The following PTPRD variants were observed in gnomAD, a reference collection of about 807,000 sequenced individuals.
PTPRD encodes receptor-type tyrosine-protein phosphatase delta.
A neutral mutation model predicts 214.5 loss-of-function variants in PTPRD; 34 were observed. The ratio of observed to expected loss-of-function variants is 0.16; its 90% CI spans 0.12 to 0.21. The LOEUF (loss-of-function observed/expected upper bound fraction) is 0.21, where lower values mean the gene tolerates loss of function less well. Among genes scored for constraint, PTPRD ranks in the 10% least tolerant of loss-of-function variants. PTPRD has a pLI of 1.00. For missense variants in PTPRD, 2,545 were observed against 2,398.7 expected (o/e 1.06, Z -1.27); for synonymous variants, 1,128 against 845.7 (o/e 1.33, Z -5.79).
intron 30 of PTPRD, among the ~76,000 whole-genome samples, chr9:8,474,897 T>C (rs749815501): frequency 2.6e-5 from 4 of 152,212 alleles, no homozygotes; most frequent in Non-Finnish European, 5.9e-5. Flanking sequence ...TTGTTTTCAA[T>C]CTTCTCACTT....
chr9:8,734,894 C>A (rs1267309964), intron 11 of PTPRD, among the ~76,000 whole-genome samples: 2 of 152,056 alleles, frequency 1.3e-5, no homozygotes, highest in Non-Finnish European at 2.9e-5. Context: ...TGAAGTTTAA[C>A]CAGGATTTTA....
At chr9:8,981,178 T>C (rs1056544428) in intron 11 of PTPRD, among the ~76,000 whole-genome samples, 20 of 152,066 alleles carry the variant, frequency 1.3e-4, no homozygotes, top group African/African-American at 4.6e-4. Context: ...ATTTTGTTCT[T>C]CAATGAAAAC....
intron 4 of PTPRD, among the ~76,000 whole-genome samples, chr9:9,980,646 A>T (rs1409610913): frequency 1.5e-5 from 2 of 129,590 alleles, no homozygotes; most frequent in African/African-American, 2.8e-5. Flanking sequence ...AAAAAAAAAA[A>T]CCCTTTATGG....
chr9:9,096,542 A>G (rs1268314600), intron 10 of PTPRD, among the ~76,000 whole-genome samples: 1 of 152,218 alleles, frequency 6.6e-6, no homozygotes, highest in East Asian at 1.9e-4. Context: ...TATATAAGAT[A>G]TAGATTATAT....
intron 4 of PTPRD, among the ~76,000 whole-genome samples, chr9:9,996,414 C>G (rs1461157567): frequency 6.6e-6 from 1 of 151,946 alleles, no homozygotes; most frequent in Non-Finnish European, 1.5e-5. Context: ...TAAAAGAAAA[C>G]AAAACACTGG....
At chr9:9,208,957 G>A (rs1481383987) in intron 9 of PTPRD, among the ~76,000 whole-genome samples, 3 of 151,900 alleles carry the variant, frequency 2.0e-5, no homozygotes, top group African/African-American at 4.8e-5. Flanking sequence ...ACAGGCGCCC[G>A]CCAATATGCC....
intron 5 of PTPRD, among the ~76,000 whole-genome samples, chr9:9,828,625 C>T (rs990103724): frequency 6.6e-6 from 1 of 151,858 alleles, no homozygotes; most frequent in African/African-American, 2.4e-5. Context: ...ACGTTGTGCA[C>T]GTGTACCATA....
intron 36 of PTPRD, among the ~76,000 whole-genome samples, chr9:8,393,135 G>A (rs543082796): frequency 4.6e-5 from 7 of 152,170 alleles, no homozygotes; most frequent in African/African-American, 1.4e-4. Flanking sequence ...TCCACTTTTT[G>A]GGGGGTGACT....
chr9:10,415,629 A>G lies in PTPRD; in HGVS notation c.-599-74612T>C, dbSNP rs142163436. Among the ~76,000 whole-genome samples, 6 of 151,990 alleles carry G rather than the reference A, an allele frequency of 3.9e-5. No homozygotes were observed. In the East Asian group the frequency reaches 1.2e-3, roughly 30 times the overall value. On this transcript the variant is annotated intron_variant, in intron 2 of 45. Coordinates refer to ENST00000381196, the MANE Select transcript of PTPRD (RefSeq NM_002839.4). ...ATTAGAAAGCCATTGGTTATCTATG[A>G]AAGTGGTTTTGATAGAGAGACGTGA...
chr9:8,403,182 G>C (rs2092618826), intron 36 of PTPRD, among the ~76,000 whole-genome samples: 2 of 152,174 alleles, frequency 1.3e-5, no homozygotes, highest in African/African-American at 4.8e-5. Flanking sequence ...AGGAGATGTG[G>C]TCAGAGTTAT....
intron 2 of PTPRD, among the ~76,000 whole-genome samples, chr9:10,594,312 G>T (rs942982076): frequency 6.6e-5 from 10 of 151,814 alleles, no homozygotes; most frequent in African/African-American, 2.2e-4. Context: ...TAATGTTTTT[G>T]CAGTCCTTAT....
intron 5 of PTPRD, among the ~76,000 whole-genome samples, chr9:9,784,796 T>C (rs897174322): frequency 1.6e-4 from 24 of 150,958 alleles, no homozygotes; most frequent in African/African-American, 5.8e-4. Flanking sequence ...TATATATGTT[T>C]ATATCTATAT....
intron 7 of PTPRD, among the ~76,000 whole-genome samples, chr9:9,646,639 A>G (rs2154369940): frequency 6.6e-6 from 1 of 152,092 alleles, no homozygotes; most frequent in Middle Eastern, 3.4e-3. Flanking sequence ...TCTTTATACT[A>G]TCCTATAAAA....
At chr9:9,601,143 G>T (rs746557256) in intron 7 of PTPRD, among the ~76,000 whole-genome samples, 13,096 of 117,284 alleles carry the variant, frequency 0.11, 803 homozygotes, top group Middle Eastern at 0.18. Context: ...GTGTGTGTGT[G>T]TGTGTGTATG....
intron 9 of PTPRD, among the ~76,000 whole-genome samples, chr9:9,217,241 G>C (rs911873615): frequency 1.3e-5 from 2 of 152,058 alleles, no homozygotes; most frequent in African/African-American, 4.8e-5. Flanking sequence ...GTAAAATGTG[G>C]ATGATAATAG....
chr9:9,581,302 A>T (rs187485063), intron 7 of PTPRD, among the ~76,000 whole-genome samples: 50 of 152,282 alleles, frequency 3.3e-4, no homozygotes, highest in African/African-American at 1.1e-3. Flanking sequence ...TTTAGAATAC[A>T]TAATATTGTT....
chr9:10,009,802 G>A (rs368937059), intron 4 of PTPRD, among the ~76,000 whole-genome samples: 1 of 151,894 alleles, frequency 6.6e-6, no homozygotes, highest in African/African-American at 2.4e-5. Flanking sequence ...TTCTTTCAGG[G>A]CCTGTAAAGC....
intron 2 of PTPRD, among the ~76,000 whole-genome samples, chr9:10,358,846 GTA>G (rs2097325965): frequency 6.6e-6 from 1 of 151,894 alleles, no homozygotes; most frequent in Non-Finnish European, 1.5e-5. Flanking sequence ...AATGCATATT[GTA>G]TTATGTTGTA....
chr9:9,201,640 T>C (rs917210699), intron 9 of PTPRD, among the ~76,000 whole-genome samples: 1 of 152,212 alleles, frequency 6.6e-6, no homozygotes, highest in Non-Finnish European at 1.5e-5. Context: ...AAGTTTTAAA[T>C]ATCTTACTGA....
Sources: allele counts gnomAD v4.1 joint callset (sites outside exome capture counted in the v4.1 genomes callset), GRCh38; gene constraint gnomAD v4.1.1; transcripts MANE v1.5; gene names NCBI Gene and HGNC (gene_info 2026-07-23, HGNC 2026-07-21).